The following RNF135 variants were observed in gnomAD, a reference collection of about 807,000 sequenced individuals.
RNF135 encodes the protein E3 ubiquitin-protein ligase RNF135.
Under a neutral mutation model 41.9 loss-of-function variants are expected in RNF135, and 46 were observed. That is an observed-to-expected ratio of 1.10 (90% CI 0.87 to 1.40). The LOEUF (loss-of-function observed/expected upper bound fraction) is 1.40. Among genes scored for constraint, RNF135 ranks in the 40% most tolerant of loss-of-function variants. RNF135 has a pLI of 0.00. For synonymous variants in RNF135, 238 were observed against 223.8 expected (o/e 1.06, Z -0.57); for missense variants, 539 against 549.8 (o/e 0.98, Z 0.20).
intron 1 of RNF135, among the ~76,000 whole-genome samples, chr17:30,980,485 T>C (rs1598086945): frequency 8.5e-6 from 1 of 116,964 alleles, no homozygotes; most frequent in Non-Finnish European, 1.8e-5. Context: ...ACGGGGCGGC[T>C]GGCCGGGCGG....
intron 1 of RNF135, among the ~76,000 whole-genome samples, chr17:30,976,768 T>G (rs1906495541): frequency 6.6e-6 from 1 of 152,208 alleles, no homozygotes; most frequent in South Asian, 2.1e-4. Context: ...ATCCTGCTCT[T>G]TTTTGGTTTC....
intron 1 of RNF135, chr17:30,979,242 C>A (rs531806084): frequency 7.4e-6 from 1 of 135,708 alleles, no homozygotes; most frequent in Non-Finnish European, 1.6e-5. Context: ...GGGGGCTGAC[C>A]CCCCCCCCCA....
At chr17:30,977,443 G>A (rs917773985) in intron 1 of RNF135, among the ~76,000 whole-genome samples, 5 of 152,036 alleles carry the variant, frequency 3.3e-5, no homozygotes, top group African/African-American at 9.7e-5. Context: ...ACGTGATCTC[G>A]GCTCACTGCA....
chr17:30,958,927 T>G, the RNF135 span: 1 of 152,062 alleles, frequency 6.6e-6, no homozygotes, highest in African/African-American at 2.4e-5. Context: ...GGACTTTCCT[T>G]TGGATCCCCC....
chr17:30,987,307 G>A (rs1907659667), intron 2 of RNF135, among the ~76,000 whole-genome samples: 1 of 151,688 alleles, frequency 6.6e-6, no homozygotes, highest in Non-Finnish European at 1.5e-5. Context: ...TCTCAGCTCA[G>A]TACAACCTCT....
At position 30,971,202 on chromosome 17, in the gene RNF135, C is replaced by T. The variant is rs570839353; in HGVS notation, c.129C>T (p.His43=). The change falls in exon 1 of 5, where the codon CAC becomes CAT. Residue 43 remains histidine, a synonymous_variant. Transcript: ENST00000328381. ...CCTGCGGCCACAGCTTCTGCCGCCA[C>T]TGCCTGGAGGCCCTGTGGGGCGCCC... ...TLPCGHSFCR[H]CLEALWGARD... is the part of the protein sequence containing the mutation. The T allele has an allele frequency of 9.4e-4, 1,428 of 1,524,090 alleles. 14 individuals carry two copies. The African/African-American group carries it at 0.018, about 19-fold the overall frequency. The allele number at this position is 1,524,090 out of a possible 1,614,324, so 94.4% of individuals were successfully genotyped here.
At chr17:30,966,414 A>AT (rs929736003), upstream of RNF135, among the ~76,000 whole-genome samples, 26 of 109,848 alleles carry the variant, frequency 2.4e-4, no homozygotes, top group African/African-American at 1.1e-3. Context: ...ATTTTATTTT[A>AT]TTTTTTTATT....
chr17:30,977,568 T>C (rs1373075355), intron 1 of RNF135, among the ~76,000 whole-genome samples: 1 of 152,070 alleles, frequency 6.6e-6, no homozygotes, highest in African/African-American at 2.4e-5. Context: ...GTGACAGGGT[T>C]TCATCATGTT....
upstream of RNF135, chr17:30,971,030 G>A (rs768054870): frequency 1.6e-5 from 24 of 1,532,604 alleles, no homozygotes; most frequent in East Asian, 3.2e-4. Flanking sequence ...GAGGAGACTC[G>A]CCCGGCTCAA....
At chr17:30,964,427 A>G in the RNF135 span, among the ~76,000 whole-genome samples, 2 of 151,120 alleles carry the variant, frequency 1.3e-5, no homozygotes, top group East Asian at 3.9e-4. Flanking sequence ...TTTAGTAAAA[A>G]CAAAGAAAAG....
chr17:30,983,272 G>A (rs749761453), intron 1 of RNF135, among the ~76,000 whole-genome samples: 23 of 137,492 alleles, frequency 1.7e-4, no homozygotes, highest in Non-Finnish European at 2.7e-4. Flanking sequence ...TTATATATCC[G>A]GAAGTGGAAT....
chr17:30,971,800 T>A, intron 1 of RNF135: 1 of 911,964 alleles, frequency 1.1e-6, no homozygotes, highest in Non-Finnish European at 1.4e-6. Flanking sequence ...CTTTATTTCT[T>A]TGAGACGGAG....
At chr17:30,994,805 T>G (rs1264946471) in intron 3 of RNF135, among the ~76,000 whole-genome samples, 2 of 151,194 alleles carry the variant, frequency 1.3e-5, no homozygotes, top group Non-Finnish European at 2.9e-5. Flanking sequence ...GGCTAATTTT[T>G]TTTATATTTT....
At chr17:30,989,180 G>T (rs964200094) in intron 3 of RNF135, among the ~76,000 whole-genome samples, 2 of 151,640 alleles carry the variant, frequency 1.3e-5, no homozygotes, top group African/African-American at 2.4e-5. Context: ...GACCAGCCTG[G>T]ACTACAGAGA....
At chr17:30,983,334 TATATATATATATA>T (rs1907311077) in intron 1 of RNF135, among the ~76,000 whole-genome samples, 2 of 29,420 alleles carry the variant, frequency 6.8e-5, no homozygotes, top group African/African-American at 1.8e-4. Flanking sequence ...TATATATATA[TATATATATATATA>T]TATATATTTT....
At chr17:30,980,152 G>A (rs1363746878) in intron 1 of RNF135, 23 of 143,938 alleles carry the variant, frequency 1.6e-4, no homozygotes, top group African/African-American at 6.0e-4. Context: ...TCCCAGTAGG[G>A]GCGGCTGGGC....
At chr17:30,990,914 C>A (rs149006105) in intron 3 of RNF135, among the ~76,000 whole-genome samples, 5 of 152,104 alleles carry the variant, frequency 3.3e-5, no homozygotes, top group Non-Finnish European at 5.9e-5. Context: ...CAGATGAATA[C>A]GTGATTGTTT....
chr17:30,962,383 C>T, the RNF135 span, among the ~76,000 whole-genome samples: 3 of 152,266 alleles, frequency 2.0e-5, no homozygotes, highest in South Asian at 6.2e-4. Context: ...CCACCCACTT[C>T]GGCCTCCCAA....
intron 1 of RNF135, 50 bp downstream of exon 1, chr17:30,971,495 G>T: frequency 6.9e-7 from 1 of 1,439,424 alleles, no homozygotes; most frequent in Non-Finnish European, 9.0e-7. Flanking sequence ...GCTGCCCGCC[G>T]CCTGACCCTT....
Sources: gnomAD v4.1 joint callset for allele counts (sites outside exome capture counted in the v4.1 genomes callset) on GRCh38, gnomAD v4.1.1 for gene constraint, MANE v1.5 for transcripts, NCBI Gene and HGNC (gene_info 2026-07-23, HGNC 2026-07-21) for gene names.